The following GPC6 variants were observed in gnomAD, a reference collection of about 807,000 sequenced individuals.
GPC6 encodes the protein glypican 6.
In GPC6, 14 loss-of-function variants were observed where a neutral mutation model predicts 55.2. The ratio of observed to expected loss-of-function variants is 0.25; its 90% confidence interval spans 0.17 to 0.40. The LOEUF (loss-of-function observed/expected upper bound fraction) is 0.40. Ranked by LOEUF, GPC6 falls within the 10% of genes least tolerant of loss-of-function variation. The pLI is 1.00. For missense variants in GPC6, 641 were observed against 708.5 expected, an observed-to-expected ratio of 0.90 and a Z score of 1.08; for synonymous variants, 278 against 259.6, an observed-to-expected ratio of 1.07 and a Z score of -0.68.
chr13:93,857,815 C>A (rs183532505), intron 3 of GPC6, among the ~76,000 whole-genome samples: 1 of 151,066 alleles, frequency 6.6e-6, no homozygotes, highest in Admixed American at 6.6e-5. Context: ...TATATACACC[C>A]CGAATAAAGA....
At chr13:93,623,909 G>A (rs1175228185) in intron 2 of GPC6, among the ~76,000 whole-genome samples, 7 of 151,980 alleles carry the variant, frequency 4.6e-5, no homozygotes, top group Admixed American at 4.6e-4. Flanking sequence ...GCCTTCTCAG[G>A]TCTTTTGCCC....
chr13:94,339,746 CT>C (rs1266284616), intron 6 of GPC6, among the ~76,000 whole-genome samples: 1 of 106,360 alleles, frequency 9.4e-6, no homozygotes, highest in Non-Finnish European at 1.8e-5. Flanking sequence ...AACCTGCATA[CT>C]TTCCTTTTTT....
chr13:94,153,596 A>T (rs151159922), intron 4 of GPC6, among the ~76,000 whole-genome samples: 1 of 152,310 alleles, frequency 6.6e-6, no homozygotes, highest in Non-Finnish European at 1.5e-5. Context: ...CCTATCTACC[A>T]TTTAAAAATG....
chr13:93,714,265 A>G (rs1883172230), intron 2 of GPC6, among the ~76,000 whole-genome samples: 1 of 151,882 alleles, frequency 6.6e-6, no homozygotes. Context: ...CATTAGAAAA[A>G]TGAGCAAAAC....
chr13:93,395,648 A>G, intron 1 of GPC6: 1 of 156,482 alleles, frequency 6.4e-6, no homozygotes, highest in Non-Finnish European at 1.4e-5. Context: ...CTTCCATGCC[A>G]CCTTCTTCAC....
chr13:93,457,460 A>G (rs1254616830), intron 1 of GPC6, among the ~76,000 whole-genome samples: 1 of 152,214 alleles, frequency 6.6e-6, no homozygotes, highest in Non-Finnish European at 1.5e-5. Context: ...GTGATAACAG[A>G]TGACTCCAAA....
At chr13:93,376,049 C>CTTTT (rs11362182) in intron 1 of GPC6, among the ~76,000 whole-genome samples, 3 of 137,788 alleles carry the variant, frequency 2.2e-5, no homozygotes, top group Admixed American at 7.3e-5. Context: ...GCATCTGGCA[C>CTTTT]TTTTTTTTTT....
chr13:93,402,005 T>A (rs1041852572), intron 1 of GPC6, among the ~76,000 whole-genome samples: 1 of 152,162 alleles, frequency 6.6e-6, no homozygotes, highest in African/African-American at 2.4e-5. Flanking sequence ...GCGAGCATTA[T>A]CTCCCTTAAT....
chr13:93,545,068 G>A (rs979767149), intron 1 of GPC6, among the ~76,000 whole-genome samples, 195 bp from the exon 2 acceptor site: 19 of 152,164 alleles, frequency 1.2e-4, no homozygotes, highest in African/African-American at 4.6e-4. Flanking sequence ...TAAATATCGG[G>A]TTCAACTTAA....
chr13:94,340,889 C>T (rs1213404218), intron 6 of GPC6, among the ~76,000 whole-genome samples: 1 of 152,150 alleles, frequency 6.6e-6, no homozygotes, highest in African/African-American at 2.4e-5. Flanking sequence ...CTAACATTAC[C>T]AAATCATATT....
Position 93,520,064 on chromosome 13 carries a change from A to G in GPC6, c.161-25199A>G, listed in dbSNP as rs1208821607. Among the ~76,000 whole-genome samples the G allele has an allele frequency of 3.3e-5, 5 of 152,010 alleles. No homozygotes were observed. The East Asian group carries it at 9.6e-4, about 29-fold the overall frequency. ...CATAGATTTTACTAAACTTCAGCAT[A>G]TAAACTTGTGATGAATGATTAAGAC... On this transcript the variant is annotated intron_variant, in intron 1 of 8. Coordinates refer to ENST00000377047, the MANE Select transcript of GPC6 (RefSeq NM_005708.5).
intron 2 of GPC6, among the ~76,000 whole-genome samples, chr13:93,758,775 A>G (rs1046325160): frequency 4.6e-5 from 7 of 152,082 alleles, no homozygotes; most frequent in Non-Finnish European, 1.0e-4. Flanking sequence ...CTGTCTCTGC[A>G]GTGCTAATGT....
intron 1 of GPC6, among the ~76,000 whole-genome samples, chr13:93,352,503 A>T (rs764850739): frequency 2.0e-5 from 3 of 152,084 alleles, no homozygotes; most frequent in Admixed American, 2.0e-4. Flanking sequence ...TTGTTGTGCA[A>T]ATTGGGTTTG....
chr13:93,501,612 A>G (rs1015476850), intron 1 of GPC6, among the ~76,000 whole-genome samples: 2 of 152,248 alleles, frequency 1.3e-5, no homozygotes, highest in South Asian at 4.1e-4. Flanking sequence ...TGCCTTCCAA[A>G]TATTAACTGA....
intron 3 of GPC6, among the ~76,000 whole-genome samples, chr13:93,909,135 T>C (rs1876829352): frequency 6.6e-6 from 1 of 152,190 alleles, no homozygotes; most frequent in Non-Finnish European, 1.5e-5. Flanking sequence ...TGGCATACAA[T>C]CAATATCTTC....
intron 4 of GPC6, among the ~76,000 whole-genome samples, chr13:94,264,490 T>C (rs1411218106): frequency 6.6e-6 from 1 of 152,182 alleles, no homozygotes; most frequent in Non-Finnish European, 1.5e-5. Context: ...TCTTTCAGCA[T>C]ATATTTGTTG....
intron 4 of GPC6, among the ~76,000 whole-genome samples, chr13:94,257,717 T>C (rs894753940): frequency 1.3e-5 from 2 of 152,182 alleles, no homozygotes; most frequent in African/African-American, 4.8e-5. Context: ...TTCTCATTTA[T>C]TGAATGGCAG....
Position 94,342,455 on chromosome 13 carries a change from T to G in GPC6, c.1152+36332T>G, listed in dbSNP as rs1001340095. On this transcript the variant is annotated intron_variant, in intron 6 of 8. Transcript: ENST00000377047. ...AAGACAGAGGCAGAGATGGCAGTGA[T>G]GCAGCCGTCGGTCAAAGGATGCCCA... 1.7e-4 allele frequency among the ~76,000 whole-genome samples: 26 copies of G among 152,290 alleles called. 1 individual carries two copies. The highest frequency in any genetic ancestry group is 1.4e-3 in the Admixed American group (22 of 15,304).
At chr13:94,375,567 AC>A (rs1288553772) in intron 6 of GPC6, among the ~76,000 whole-genome samples, 6 of 151,898 alleles carry the variant, frequency 4.0e-5, no homozygotes, top group Admixed American at 3.9e-4. Context: ...TAGCTTACCA[AC>A]CAAAAAGAGT....
Sources: allele counts gnomAD v4.1 joint callset (sites outside exome capture counted in the v4.1 genomes callset), GRCh38; gene constraint gnomAD v4.1.1; transcripts MANE v1.5; gene names NCBI Gene and HGNC (gene_info 2026-07-23, HGNC 2026-07-21).